GHR: variants seen among roughly 807,000 people sequenced by gnomAD.
The protein encoded by GHR is GH receptor.
GHR carries 35 observed loss-of-function variants against 67.1 expected under a neutral mutation model. That is an observed-to-expected ratio of 0.52 (90% CI 0.40 to 0.69). The LOEUF is 0.69. Ranked by LOEUF, GHR falls within the 30% of genes least tolerant of loss-of-function variation. GHR has a pLI of 0.00. For synonymous variants in GHR, 272 were observed against 269.1 expected (o/e 1.01, Z -0.10); for missense variants, 792 against 764.6 (o/e 1.04, Z -0.42).
intron 1 of GHR, among the ~76,000 whole-genome samples, chr5:42,471,058 A>G (rs2112100205): frequency 6.6e-6 from 1 of 152,342 alleles, no homozygotes. Context: ...AACTGCATGC[A>G]AACATCTGAG....
chr5:42,634,360 A>ATGTCT (rs2112762645), intron 3 of GHR, among the ~76,000 whole-genome samples: 1 of 152,230 alleles, frequency 6.6e-6, no homozygotes, highest in South Asian at 2.1e-4. Context: ...TAAAATCATT[A>ATGTCT]TGTCTTTTGG....
chr5:42,446,151 T>C (rs1743796299), intron 1 of GHR, among the ~76,000 whole-genome samples: 1 of 152,142 alleles, frequency 6.6e-6, no homozygotes, highest in South Asian at 2.1e-4. Flanking sequence ...AGACATGGAC[T>C]TTAGGAGCAC....
intron 3 of GHR, among the ~76,000 whole-genome samples, chr5:42,631,749 C>A (rs1753940513): frequency 6.6e-6 from 1 of 152,140 alleles, no homozygotes; most frequent in Non-Finnish European, 1.5e-5. Context: ...GTGTACTTTT[C>A]TAAGTTCTCA....
intron 2 of GHR, among the ~76,000 whole-genome samples, chr5:42,607,342 C>T (rs1003194940): frequency 6.6e-6 from 1 of 152,070 alleles, no homozygotes; most frequent in Admixed American, 6.6e-5. Context: ...TGGTCCCAAC[C>T]CTTTAACTTC....
intron 1 of GHR, among the ~76,000 whole-genome samples, chr5:42,518,191 G>A (rs1747324989): frequency 6.8e-6 from 1 of 146,010 alleles, no homozygotes; most frequent in Non-Finnish European, 1.5e-5. Context: ...ATTAATGATA[G>A]TATTAATAAT....
intron 3 of GHR, among the ~76,000 whole-genome samples, chr5:42,661,586 C>A (rs376446816): frequency 5.9e-5 from 9 of 152,134 alleles, no homozygotes; most frequent in Non-Finnish European, 1.0e-4. Flanking sequence ...GCCTGCCCTA[C>A]AAGAGCTCCT....
Position 42,655,526 on chromosome 5 carries a change from G to T in GHR, c.136+26423G>T, listed in dbSNP as rs372793878. The stretch of plus-strand genomic sequence containing the variant: ...ATTTTATTCATTCATGTATGACGGG[G>T]TTATGCTCAGTCATAAGTCACTAAA... On this transcript the variant is annotated intron_variant, in intron 3 of 9. Coordinates refer to ENST00000230882, the MANE Select transcript of GHR (RefSeq NM_000163.5). Among the ~76,000 whole-genome samples the T allele has an allele frequency of 3.9e-5, 6 of 152,052 alleles. No homozygotes were observed. In the East Asian group the frequency reaches 7.7e-4, roughly 20 times the overall value.
chr5:42,447,984 A>T (rs901837979), intron 1 of GHR, among the ~76,000 whole-genome samples: 3 of 151,408 alleles, frequency 2.0e-5, no homozygotes, highest in African/African-American at 4.9e-5. Context: ...CTGGTCTCAA[A>T]CTCCTGACCT....
intron 1 of GHR, among the ~76,000 whole-genome samples, chr5:42,551,177 T>A (rs1183501753): frequency 6.6e-6 from 1 of 152,354 alleles, no homozygotes; most frequent in East Asian, 1.9e-4. Flanking sequence ...GCAGTAGGCC[T>A]GTGTCTTGCC....
intron 3 of GHR, among the ~76,000 whole-genome samples, chr5:42,644,310 G>C (rs1754624219): frequency 6.6e-6 from 1 of 152,116 alleles, no homozygotes; most frequent in South Asian, 2.1e-4. Context: ...CATGAGAATT[G>C]ATCTGAATCA....
At chr5:42,591,764 C>T (rs996941181) in intron 2 of GHR, among the ~76,000 whole-genome samples, 2 of 152,138 alleles carry the variant, frequency 1.3e-5, no homozygotes, top group African/African-American at 4.8e-5. Flanking sequence ...CAGACTTTGA[C>T]CTTTCTCTTC....
intron 3 of GHR, among the ~76,000 whole-genome samples, chr5:42,646,669 T>C (rs988202217): frequency 1.3e-5 from 2 of 152,202 alleles, no homozygotes; most frequent in African/African-American, 4.8e-5. Context: ...GATGATACTA[T>C]AGACTCAGAG....
At chr5:42,500,034 G>A (rs76325127) in intron 1 of GHR, among the ~76,000 whole-genome samples, 3,321 of 152,188 alleles carry the variant, frequency 0.022, 50 homozygotes, top group Non-Finnish European at 0.036. Flanking sequence ...GGAATTTTGC[G>A]TGAATAACTC....
intron 8 of GHR, among the ~76,000 whole-genome samples, chr5:42,714,815 A>G (rs942520511): frequency 7.2e-5 from 11 of 152,156 alleles, no homozygotes. Flanking sequence ...AACAACAAAA[A>G]AGCCAAATTA....
intron 3 of GHR, among the ~76,000 whole-genome samples, chr5:42,634,110 A>G (rs1400358064): frequency 6.6e-6 from 1 of 151,954 alleles, no homozygotes; most frequent in Non-Finnish European, 1.5e-5. Context: ...TCTTCTCTAA[A>G]TTTTATGATC....
chr5:42,425,280 G>A (rs1742804159), intron 1 of GHR, among the ~76,000 whole-genome samples: 1 of 152,058 alleles, frequency 6.6e-6, no homozygotes, highest in Non-Finnish European at 1.5e-5. Context: ...AATTTTCAGG[G>A]TGCTGCTGTC....
At chr5:42,483,986 A>T (rs182681584) in intron 1 of GHR, among the ~76,000 whole-genome samples, 1 of 152,134 alleles carries the variant, frequency 6.6e-6, no homozygotes, top group East Asian at 1.9e-4. Context: ...GAGAGTACTA[A>T]GTAGGTACTG....
chr5:42,623,367 C>T (rs1426379197), intron 2 of GHR, among the ~76,000 whole-genome samples: 1 of 152,092 alleles, frequency 6.6e-6, no homozygotes, highest in African/African-American at 2.4e-5. Flanking sequence ...TAATGGTTCC[C>T]CAGTGTTTGC....
chr5:42,468,928 C>T (rs893644660), intron 1 of GHR: 40 of 500,140 alleles, frequency 8.0e-5, no homozygotes, highest in Non-Finnish European at 1.2e-4. Flanking sequence ...GCCAAGAGCG[C>T]GTGCTTCAGC....
Sources: gnomAD v4.1 joint callset for allele counts (sites outside exome capture counted in the v4.1 genomes callset) on GRCh38, gnomAD v4.1.1 for gene constraint, MANE v1.5 for transcripts, NCBI Gene and HGNC (gene_info 2026-07-23, HGNC 2026-07-21) for gene names.